Variants in HEATR3 observed in about 807,000 individuals in gnomAD.
HEATR3 encodes HEAT repeat containing 3.
A neutral mutation model predicts 72.8 loss-of-function variants in HEATR3; 56 were observed. The observed-to-expected ratio is 0.77, with a 90% confidence interval of 0.62 to 0.96. HEATR3 has a LOEUF of 0.96. HEATR3 is among the 40% of genes least tolerant of loss of function. HEATR3 has a pLI of 0.00. For synonymous variants in HEATR3, 331 were observed against 318.1 expected (o/e 1.04, Z -0.43); for missense variants, 747 against 831.4 (o/e 0.90, Z 1.25).
Position 50,094,788 on chromosome 16 carries a change from T to G in HEATR3, c.1594T>G (p.Ser532Ala). 6.3e-7 allele frequency: 1 copy of G among 1,590,978 alleles called. No homozygotes were observed. The highest frequency in any genetic ancestry group is 8.6e-7 in the Non-Finnish European group (1 of 1,168,758). Residue 532 changes from serine to alanine, a missense_variant, in exon 12 of 15, where the codon TCC becomes GCC. Coordinates refer to ENST00000299192, the MANE Select transcript of HEATR3 (RefSeq NM_182922.4). ...GCAAACAATGGCCTCCAAGAACATT[T>G]CCCAGGTAAGAGTTTTAAAATTTTT... ...LLQTMASKNI[S>A]QCMTPDQLMT...
At position 50,072,645 on chromosome 16, in the gene HEATR3, G is replaced by A. The variant is rs760472794; in HGVS notation, c.553G>A (p.Gly185Arg). The A allele has an allele frequency of 4.3e-6, 7 of 1,610,998 alleles. No individual in the cohort carries two copies. The highest frequency in any genetic ancestry group is 5.9e-6 in the Non-Finnish European group (7 of 1,177,322). Residue 185 changes from glycine (G) to arginine (R), a missense_variant, in exon 5 of 15, where the codon GGG becomes AGG. Physicochemically the swap from Gly to Arg is moderately radical, Grantham distance 125. Transcript: ENST00000299192. The part of the protein sequence containing the change: ...SRAVSIFNKE[G>R]CLEIVLKYLS... ...AGCAGTGTCTATATTCAACAAAGAA[G>A]GGTGTTTGGAGATTGTGTTAAAGTA...
intron 12 of HEATR3, among the ~76,000 whole-genome samples, chr16:50,097,570 T>A (rs1486487907): frequency 6.6e-6 from 1 of 152,132 alleles, no homozygotes; most frequent in Non-Finnish European, 1.5e-5. Flanking sequence ...TGATCACTTT[T>A]GCTTCCAGGC....
At chr16:50,086,984 A>G (rs907546245) in intron 11 of HEATR3, among the ~76,000 whole-genome samples, 10 of 152,184 alleles carry the variant, frequency 6.6e-5, no homozygotes, top group Admixed American at 2.6e-4. Flanking sequence ...CCCAGTTACA[A>G]GCATTTAAGT....
In HEATR3 at chr16:50,068,847, C is replaced by G. The variant is rs1369503173; in HGVS notation, c.379C>G (p.Leu127Val). The stretch of plus-strand genomic sequence containing the variant: ...GGTGACTAAGGATATCATGACCCCT[C>G]TGGTTGCGCTGCTAAAAGAGGTATG... ...DMVTKDIMTPLVALLKECSAG... is the reference protein window; with the variant it reads ...DMVTKDIMTPVVALLKECSAG... Residue 127 changes from leucine (L) to valine (V), a missense_variant, in exon 3 of 15, where the codon CTG (leucine) becomes GTG (valine). Physicochemically the swap from Leu to Val is conservative, Grantham distance 32. Coordinates refer to ENST00000299192, the MANE Select transcript of HEATR3 (RefSeq NM_182922.4). 9.3e-6 allele frequency: 15 copies of G among 1,613,658 alleles called. No homozygotes were observed. Among genetic ancestry groups the G allele is most frequent in the Non-Finnish European group, 1.2e-5 (14 of 1,179,664 alleles).
At chr16:50,066,779 G>A (rs2036507393) in intron 2 of HEATR3, 1 of 392,108 alleles carries the variant, frequency 2.6e-6, no homozygotes, top group African/African-American at 2.1e-5. Context: ...CTGCCCTCAC[G>A]CCTTGCGCAC....
rs1489238320 is a variant in HEATR3, at chr16:50,072,930, G to A, written c.622+216G>A. On this transcript the variant is annotated intron_variant, in intron 5 of 14. Transcript: ENST00000299192. The stretch of plus-strand genomic sequence containing the variant: ...TTTCTGCTTTTGACTCTGAAAGGGA[G>A]AAAGGTAATTATGTGAGGATATGTG... 8.4e-6 allele frequency: 4 copies of A among 478,606 alleles called. No individual in the cohort carries two copies. In the East Asian group the frequency reaches 1.5e-4, roughly 18 times the overall value. 29.6% of individuals were successfully genotyped at this position (478,606 alleles called of 1,614,324 possible). A position where few individuals can be genotyped will look rare whatever the true frequency, so the allele number is the denominator to read the frequency against.
intron 11 of HEATR3, among the ~76,000 whole-genome samples, chr16:50,092,473 G>T (rs1318088746): frequency 8.3e-6 from 1 of 120,754 alleles, no homozygotes; most frequent in Non-Finnish European, 1.6e-5. Context: ...GTCTGGCTCT[G>T]TCGCCCAGGC....
At chr16:50,097,672 T>C (rs1328898185) in intron 12 of HEATR3, among the ~76,000 whole-genome samples, 4 of 152,070 alleles carry the variant, frequency 2.6e-5, no homozygotes, top group Admixed American at 1.3e-4. Context: ...CCCAACACTT[T>C]AGGAGGCTGA....
chr16:50,106,373 A>G lies in HEATR3; in HGVS notation c.*1312A>G, dbSNP rs1455344409. ...GGGAGAAGGTATTTTTAAATAAACA[A>G]CTTTTTAATGGAAAGTTTTGTGTCT... On this transcript the variant is annotated 3_prime_UTR_variant, in exon 15 of 15. Coordinates refer to ENST00000299192, the MANE Select transcript of HEATR3 (RefSeq NM_182922.4). The G allele has an allele frequency of 1.3e-5, 2 of 152,198 alleles. No homozygotes were observed. The highest frequency in any genetic ancestry group is 2.9e-5 in the Non-Finnish European group (2 of 68,032). 9.4% of individuals were successfully genotyped at this position (152,198 alleles called of 1,614,324 possible). A position where few individuals can be genotyped will look rare whatever the true frequency, so the allele number is the denominator to read the frequency against.
In HEATR3 at chr16:50,104,919, T is replaced by G. The variant is rs367599101; in HGVS notation, c.1921-20T>G. On this transcript the variant is annotated intron_variant, in intron 14 of 14. Coordinates refer to ENST00000299192, the MANE Select transcript of HEATR3 (RefSeq NM_182922.4). ...TCATATCTACCAAGTCATATATGAT[T>G]TTTTGTTTTTTGTTTGCAGATACGT... 13 of 1,565,958 alleles carry G rather than the reference T, an allele frequency of 8.3e-6. No homozygotes were observed. The highest frequency in any genetic ancestry group is 1.1e-5 in the Non-Finnish European group (13 of 1,160,826).
chr16:50,068,194 A>G (rs905574223), intron 2 of HEATR3, among the ~76,000 whole-genome samples: 1 of 152,202 alleles, frequency 6.6e-6, no homozygotes, highest in Non-Finnish European at 1.5e-5. Flanking sequence ...AGGGACTAGC[A>G]CAGTGCTGTG....
intron 13 of HEATR3, 125 bp from the exon 14 acceptor site, chr16:50,102,134 G>A (rs1424790000): frequency 8.6e-6 from 6 of 697,632 alleles, no homozygotes; most frequent in Admixed American, 2.9e-5. Flanking sequence ...CTAATCTCTT[G>A]AAGTTTTAAT....
chr16:50,092,664 G>A (rs1051407444), intron 11 of HEATR3, among the ~76,000 whole-genome samples: 15 of 151,616 alleles, frequency 9.9e-5, no homozygotes, highest in Non-Finnish European at 1.9e-4. Flanking sequence ...GGATGGTCTT[G>A]ATCTCCTGAC....
At position 50,093,309 on chromosome 16, in the gene HEATR3, A is replaced by T. The variant is rs558849137; in HGVS notation, c.1511-1396A>T. Among the ~76,000 whole-genome samples the T allele has an allele frequency of 1.4e-4, 22 of 152,282 alleles. No homozygotes were observed. In the East Asian group the frequency reaches 4.2e-3, roughly 29 times the overall value. On this transcript the variant is annotated intron_variant, in intron 11 of 14. Transcript: ENST00000299192. ...TTCCAAAACTCTGTGACTTAACAAC[A>T]ACAACAATCATTTATTATTTCTCGA...
chr16:50,078,696 A>G (rs1170436815), intron 6 of HEATR3, 45 bp from the exon 7 acceptor site: 2 of 1,554,516 alleles, frequency 1.3e-6, no homozygotes, highest in Non-Finnish European at 1.7e-6. Flanking sequence ...ACTTAGTAAA[A>G]TATTTCACAG....
In HEATR3 at chr16:50,084,191, T is replaced by C. The variant is rs751815579; in HGVS notation, c.1190T>C (p.Met397Thr). 2.0e-5 allele frequency: 32 copies of C among 1,614,198 alleles called. No individual in the cohort carries two copies. The highest frequency in any genetic ancestry group is 2.7e-5 in the Non-Finnish European group (32 of 1,180,040). The stretch of plus-strand genomic sequence containing the variant: ...AGCAGTGATGAAAGTGACGCATTTA[T>C]GGAGAATTCCTTCAGTGAGTGCGGG... ...LSSSDESDAF[M>T]ENSFSECGGQ... Residue 397 changes from methionine (M) to threonine (T), a missense_variant, in exon 9 of 15, where the codon ATG becomes ACG. Around this residue, in one of 2 missense-constraint regions of HEATR3, gnomAD observed 586 missense variants for 708.8 expected, o/e 0.83. Transcript: ENST00000299192.
chr16:50,099,252 C>T (rs2037314134), intron 12 of HEATR3, among the ~76,000 whole-genome samples: 1 of 152,040 alleles, frequency 6.6e-6, no homozygotes, highest in Non-Finnish European at 1.5e-5. Context: ...ATTGATTTCC[C>T]CTGGTATGTA....
At chr16:50,093,088 G>A (rs1412447751) in intron 11 of HEATR3, among the ~76,000 whole-genome samples, 2 of 152,184 alleles carry the variant, frequency 1.3e-5, no homozygotes, top group African/African-American at 2.4e-5. Flanking sequence ...TGATCATTAC[G>A]GGAAATCCCC....
intron 12 of HEATR3, chr16:50,098,396 C>T (rs2037292551): frequency 6.6e-6 from 1 of 152,176 alleles, no homozygotes; most frequent in Admixed American, 6.6e-5. Flanking sequence ...TGGCTCACGC[C>T]TGTAATCCCA....
Sources: allele counts gnomAD v4.1 joint callset (sites outside exome capture counted in the v4.1 genomes callset), GRCh38; gene constraint gnomAD v4.1.1; regional missense constraint gnomAD v4.1.1; transcripts MANE v1.5; gene names NCBI Gene and HGNC (gene_info 2026-07-23, HGNC 2026-07-21).